Variants in CD99L2 observed in about 807,000 individuals in gnomAD.
CD99L2 encodes CD99 molecule like 2, also known as CD99 antigen-like protein 2.
A neutral mutation model predicts 27.3 loss-of-function variants in CD99L2; 24 were observed. The observed-to-expected ratio is 0.88, with a 90% CI of 0.64 to 1.24. The LOEUF is 1.24. CD99L2 is among the 50% of genes most tolerant of loss of function. The pLI is 0.00. For missense variants in CD99L2, 255 were observed against 221.6 expected, an observed-to-expected ratio of 1.15 and a Z score of -0.96; for synonymous variants, 97 against 87.9, an observed-to-expected ratio of 1.10 and a Z score of -0.58.
At chrX:150,860,245 T>C (rs1204366681) in intron 1 of CD99L2, among the ~76,000 whole-genome samples, 2 of 111,042 alleles carry the variant, frequency 1.8e-5, no homozygotes, top group East Asian at 2.8e-4. Context: ...TCAATAGACA[T>C]AGAAAAAGCA....
At chrX:150,862,864 G>A (rs868952833) in intron 1 of CD99L2, among the ~76,000 whole-genome samples, 1 of 93,737 alleles carries the variant, frequency 1.1e-5, no homozygotes. Flanking sequence ...GACAGAGAGA[G>A]AAAGAAAGAA....
At chrX:150,838,142 C>G (rs1327221928) in intron 1 of CD99L2, among the ~76,000 whole-genome samples, 4 of 112,093 alleles carry the variant, frequency 3.6e-5, no homozygotes, top group African/African-American at 6.5e-5. Flanking sequence ...ACAAAAACAT[C>G]AAATAACTCC....
chrX:150,873,300 G>A (rs989271238), intron 1 of CD99L2, among the ~76,000 whole-genome samples: 1 of 112,004 alleles, frequency 8.9e-6, no homozygotes, highest in African/African-American at 3.2e-5. Context: ...TAAGTGAAAC[G>A]AGTCAGTTGC....
intron 2 of CD99L2, among the ~76,000 whole-genome samples, chrX:150,821,511 A>T (rs1468535976): frequency 8.9e-6 from 1 of 112,013 alleles, no homozygotes; most frequent in Non-Finnish European, 1.9e-5. Context: ...AATTAACTCA[A>T]ATGGACCAAA....
At chrX:150,862,660 G>A (rs1277334659) in intron 1 of CD99L2, among the ~76,000 whole-genome samples, 1 of 111,754 alleles carries the variant, frequency 8.9e-6, no homozygotes, top group East Asian at 2.8e-4. Flanking sequence ...TTTCTTCTAT[G>A]TATGTGTTAA....
intron 1 of CD99L2, among the ~76,000 whole-genome samples, chrX:150,841,515 A>G (rs547905430): frequency 4.5e-5 from 5 of 111,942 alleles, no homozygotes; most frequent in South Asian, 7.5e-4. Flanking sequence ...CTCCAAAGCC[A>G]TAAGCCTACC....
At chrX:150,778,188 A>G (rs2045435510) in intron 7 of CD99L2, among the ~76,000 whole-genome samples, 1 of 109,875 alleles carries the variant, frequency 9.1e-6, no homozygotes, top group African/African-American at 3.3e-5. Context: ...ACGCACACAC[A>G]CACGCACGCA....
chrX:150,848,528 G>T lies in CD99L2; in HGVS notation c.68-17235C>A, dbSNP rs189729845. On this transcript the variant is annotated intron_variant, in intron 1 of 10. Transcript: ENST00000370377. Reference sequence around the variant, plus strand: ...ACTTAGAAATCATCTAAGATGGTAAGTATTATGTGGGTTCTTTTTCCACAA... The same window carrying T: ...ACTTAGAAATCATCTAAGATGGTAATTATTATGTGGGTTCTTTTTCCACAA... Among the ~76,000 whole-genome samples the T allele has an allele frequency of 3.3e-4, 32 of 95,585 alleles. 1 individual carries two copies. The East Asian group carries it at 0.011, about 33-fold the overall frequency. The allele number at this position is 95,585 out of a possible 115,157, so 83.0% of individuals were successfully genotyped here.
intron 1 of CD99L2, among the ~76,000 whole-genome samples, chrX:150,889,082 T>A (rs2047459528): frequency 8.9e-6 from 1 of 112,754 alleles, no homozygotes; most frequent in South Asian, 3.6e-4. Context: ...AATAATGGAA[T>A]CCTTGTGTGT....
In CD99L2 at chrX:150,769,688, G is replaced by GCTGTT. The variant is rs1569565829; in HGVS notation, c.722-588_722-587insAACAG. Among the ~76,000 whole-genome samples the GCTGTT allele has an allele frequency of 6.2e-3, 533 of 85,435 alleles. 1 individual carries two copies. Among genetic ancestry groups the GCTGTT allele is most frequent in the African/African-American group, 0.041 (505 of 12,433 alleles). The allele number at this position is 85,435 out of a possible 115,157, so 74.2% of individuals were successfully genotyped here. A position where few individuals can be genotyped will look rare whatever the true frequency, so the allele number is the denominator to read the frequency against. On this transcript the variant is annotated intron_variant, in intron 10 of 10. Transcript: ENST00000370377. ...CCTAGTCTCCCTGCCTGCGCCACCA[G>GCTGTT]GCCTCGGCTGCTCCCCGACCCCAGC...
intron 2 of CD99L2, among the ~76,000 whole-genome samples, chrX:150,822,249 A>G (rs1396310870): frequency 2.7e-5 from 3 of 112,256 alleles, no homozygotes; most frequent in African/African-American, 9.7e-5. Context: ...ACATTATGCT[A>G]CACAAAAGAA....
rs1296306735 is a variant in CD99L2 at position 150,767,853 on chromosome X, C to G, written c.*1181G>C. 9.0e-6 allele frequency: 1 copy of G among 111,331 alleles called. No individual in the cohort carries two copies. The highest frequency in any genetic ancestry group is 2.9e-4 in the East Asian group (1 of 3,483). 9.2% of individuals were successfully genotyped at this position (111,331 alleles called of 1,213,427 possible). Reference sequence around the variant, plus strand: ...CGTGAGCCTCTGACAACAGAGCTCACCGGGACAGAACCATATGTGGGCCAA... The same window carrying G: ...CGTGAGCCTCTGACAACAGAGCTCAGCGGGACAGAACCATATGTGGGCCAA... On this transcript the variant is annotated 3_prime_UTR_variant, in exon 11 of 11. Transcript: ENST00000370377.
At chrX:150,872,279 G>A (rs1226739167) in intron 1 of CD99L2, among the ~76,000 whole-genome samples, 1 of 110,017 alleles carries the variant, frequency 9.1e-6, no homozygotes, top group Non-Finnish European at 1.9e-5. Context: ...GTGGTTGCTG[G>A]GGGCAAGGTG....
chrX:150,819,945 T>A (rs1364293755), intron 2 of CD99L2, among the ~76,000 whole-genome samples: 1 of 111,339 alleles, frequency 9.0e-6, no homozygotes, highest in Non-Finnish European at 1.9e-5. Flanking sequence ...CCAATTAATC[T>A]CAAACTCTTC....
intron 7 of CD99L2, among the ~76,000 whole-genome samples, chrX:150,788,435 AC>A (rs1211577951): frequency 9.0e-6 from 1 of 111,451 alleles, no homozygotes; most frequent in Non-Finnish European, 1.9e-5. Flanking sequence ...GAGCAAAGAT[AC>A]CAGTTAAGCG....
At chrX:150,800,580 T>C (rs1374001720) in intron 4 of CD99L2, among the ~76,000 whole-genome samples, 1 of 111,735 alleles carries the variant, frequency 8.9e-6, no homozygotes, top group African/African-American at 3.3e-5. Context: ...CCATTTCATA[T>C]CAGAGAATTG....
chrX:150,875,150 T>A (rs140637417), intron 1 of CD99L2, among the ~76,000 whole-genome samples: 155 of 112,032 alleles, frequency 1.4e-3, no homozygotes, highest in African/African-American at 4.9e-3. Flanking sequence ...GACATGTAAT[T>A]CCTAAAGCAT....
intron 1 of CD99L2, among the ~76,000 whole-genome samples, chrX:150,888,501 A>T (rs1045411298): frequency 6.2e-5 from 7 of 112,337 alleles, no homozygotes; most frequent in African/African-American, 2.3e-4. Context: ...TAGGAAGCAG[A>T]TGAGCCAGTG....
At chrX:150,770,045 C>A (rs781834687) in intron 10 of CD99L2, among the ~76,000 whole-genome samples, 2 of 112,885 alleles carry the variant, frequency 1.8e-5, no homozygotes, top group Middle Eastern at 4.6e-3. Flanking sequence ...CTGGCTCGGA[C>A]GGACGAATCA....
Sources: gnomAD v4.1 joint callset for allele counts (sites outside exome capture counted in the v4.1 genomes callset) on GRCh38, gnomAD v4.1.1 for gene constraint, MANE v1.5 for transcripts, NCBI Gene and HGNC (gene_info 2026-07-23, HGNC 2026-07-21) for gene names.